RBFOX1: variants seen among roughly 807,000 people sequenced by gnomAD.
RBFOX1 encodes the protein RNA binding fox-1 homolog 1.
In RBFOX1, 8 loss-of-function variants were observed where a neutral mutation model predicts 57.7. The observed-to-expected ratio is 0.14, with a 90% CI of 0.08 to 0.25. The LOEUF (loss-of-function observed/expected upper bound fraction) is 0.25. RBFOX1 is among the 10% of genes least tolerant of loss of function. RBFOX1 has a pLI of 1.00. For synonymous variants in RBFOX1, 326 were observed against 222.4 expected (o/e 1.47, Z -4.15); for missense variants, 611 against 548.5 (o/e 1.11, Z -1.14).
intron 4 of RBFOX1, among the ~76,000 whole-genome samples, chr16:7,458,091 A>G (rs935170294): frequency 6.6e-6 from 1 of 152,222 alleles, no homozygotes. Flanking sequence ...AAATCAGAAC[A>G]AAGCTTCCTG....
At chr16:7,011,320 G>C (rs2093643125) in intron 3 of RBFOX1, among the ~76,000 whole-genome samples, 2 of 152,144 alleles carry the variant, frequency 1.3e-5, no homozygotes, top group African/African-American at 2.4e-5. Context: ...TGCAGAAGGA[G>C]AAACTGAAGC....
intron 1 of RBFOX1, among the ~76,000 whole-genome samples, chr16:5,381,060 A>G (rs891492749): frequency 6.6e-6 from 1 of 152,216 alleles, no homozygotes; most frequent in African/African-American, 2.4e-5. Flanking sequence ...GTAGACCATG[A>G]GTCATTTACA....
chr16:6,882,894 A>G (rs1224392505), intron 3 of RBFOX1, among the ~76,000 whole-genome samples: 3 of 152,054 alleles, frequency 2.0e-5, no homozygotes, highest in Middle Eastern at 3.2e-3. Context: ...CCTATTTTCC[A>G]TTATACTTAC....
At chr16:7,194,457 C>T (rs2086189546) in intron 4 of RBFOX1, among the ~76,000 whole-genome samples, 1 of 152,130 alleles carries the variant, frequency 6.6e-6, no homozygotes, top group Admixed American at 6.5e-5. Flanking sequence ...GTGACTTTGG[C>T]AGTGGAACGG....
chr16:6,216,039 A>C (rs1289726116), intron 1 of RBFOX1, among the ~76,000 whole-genome samples: 1 of 152,164 alleles, frequency 6.6e-6, no homozygotes, highest in African/African-American at 2.4e-5. Flanking sequence ...ACTGAAAACC[A>C]AATACTGCAT....
chr16:7,658,012 C>T (rs2066751550), intron 12 of RBFOX1, among the ~76,000 whole-genome samples: 1 of 152,148 alleles, frequency 6.6e-6, no homozygotes, highest in Admixed American at 6.5e-5. Flanking sequence ...TCTATAGACA[C>T]AGTTTGCTTA....
At chr16:6,869,728 A>G (rs930665507) in intron 3 of RBFOX1, among the ~76,000 whole-genome samples, 1 of 152,180 alleles carries the variant, frequency 6.6e-6, no homozygotes, top group African/African-American at 2.4e-5. Context: ...ACTCTAGAGA[A>G]CCGTGTTGAC....
At chr16:5,703,602 G>C (rs2051131886) in intron 3 of RBFOX1, among the ~76,000 whole-genome samples, 1 of 152,176 alleles carries the variant, frequency 6.6e-6, no homozygotes, top group Non-Finnish European at 1.5e-5. Flanking sequence ...TTAATGCAGA[G>C]ACTCTGGAGT....
At chr16:7,512,210 C>G (rs1227709535) in intron 4 of RBFOX1, among the ~76,000 whole-genome samples, 1 of 152,160 alleles carries the variant, frequency 6.6e-6, no homozygotes, top group Non-Finnish European at 1.5e-5. Context: ...GTCACTGTCC[C>G]CTACATGAAG....
intron 5 of RBFOX1, among the ~76,000 whole-genome samples, chr16:7,524,171 G>C (rs918795741): frequency 6.6e-6 from 1 of 152,122 alleles, no homozygotes; most frequent in Admixed American, 6.6e-5. Context: ...AGTACTTTTG[G>C]GTAAGAGAAA....
At chr16:7,254,158 A>G (rs2153036463) in intron 4 of RBFOX1, among the ~76,000 whole-genome samples, 1 of 152,276 alleles carries the variant, frequency 6.6e-6, no homozygotes, top group Non-Finnish European at 1.5e-5. Context: ...CAATGAGAAG[A>G]CCAATGAGAA....
At chr16:7,381,302 G>T (rs1397953942) in intron 4 of RBFOX1, among the ~76,000 whole-genome samples, 1 of 152,106 alleles carries the variant, frequency 6.6e-6, no homozygotes, top group African/African-American at 2.4e-5. Context: ...TCATAATATT[G>T]CCTTATTGTG....
intron 3 of RBFOX1, among the ~76,000 whole-genome samples, chr16:6,932,313 G>A (rs144216185): frequency 1.3e-5 from 2 of 152,158 alleles, no homozygotes; most frequent in African/African-American, 2.4e-5. Flanking sequence ...CACCCTGTTG[G>A]CCAAGCTGGT....
intron 3 of RBFOX1, among the ~76,000 whole-genome samples, chr16:5,652,252 A>G (rs1430828645): frequency 6.6e-6 from 1 of 152,194 alleles, no homozygotes; most frequent in Non-Finnish European, 1.5e-5. Flanking sequence ...GATTTTATTT[A>G]CTTTTTAAAA....
chr16:6,589,088 A>G (rs1424816289), intron 2 of RBFOX1, among the ~76,000 whole-genome samples: 1 of 116,034 alleles, frequency 8.6e-6, no homozygotes, highest in East Asian at 2.8e-4. Flanking sequence ...TAATTTTATC[A>G]TTCCATCTAT....
At chr16:5,642,203 C>G (rs1056158808) in intron 3 of RBFOX1, among the ~76,000 whole-genome samples, 1 of 152,156 alleles carries the variant, frequency 6.6e-6, no homozygotes, top group African/African-American at 2.4e-5. Flanking sequence ...CTTCACTGCC[C>G]AAGCAGGCAA....
At chr16:5,365,141 C>G (rs575929007) in intron 1 of RBFOX1, among the ~76,000 whole-genome samples, 3 of 152,234 alleles carry the variant, frequency 2.0e-5, no homozygotes, top group African/African-American at 7.2e-5. Context: ...CTGGTGGACT[C>G]CGGAGGCTGG....
chr16:7,152,772 C>T (rs371843517), intron 4 of RBFOX1, among the ~76,000 whole-genome samples: 19 of 152,220 alleles, frequency 1.2e-4, no homozygotes, highest in East Asian at 1.9e-4. Context: ...GGTCCAGGTA[C>T]GATATTTTAT....
chr16:5,792,506 C>T (rs2054735003), intron 3 of RBFOX1, among the ~76,000 whole-genome samples: 1 of 152,142 alleles, frequency 6.6e-6, no homozygotes, highest in African/African-American at 2.4e-5. Flanking sequence ...ATACTGTATT[C>T]TTATGATAAG....
Sources: gnomAD v4.1 joint callset for allele counts (sites outside exome capture counted in the v4.1 genomes callset) on GRCh38, gnomAD v4.1.1 for gene constraint, MANE v1.5 for transcripts, NCBI Gene and HGNC (gene_info 2026-07-23, HGNC 2026-07-21) for gene names.